The following RIMS2 variants were observed in gnomAD, a reference collection of about 807,000 sequenced individuals.
RIMS2 encodes the protein regulating synaptic membrane exocytosis protein 2.
RIMS2 carries 59 observed loss-of-function variants against 174.4 expected under a neutral mutation model. The ratio of observed to expected loss-of-function variants is 0.34; its 90% CI spans 0.27 to 0.42. The LOEUF (loss-of-function observed/expected upper bound fraction) is 0.42. RIMS2 is among the 10% of genes least tolerant of loss of function. RIMS2 has a pLI of 1.00. For synonymous variants in RIMS2, 606 were observed against 572.5 expected, an observed-to-expected ratio of 1.06 and a Z score of -0.84; for missense variants, 1,620 against 1,666.3, an observed-to-expected ratio of 0.97 and a Z score of 0.48.
At chr8:103,790,801 G>A (rs1218502800) in intron 3 of RIMS2, among the ~76,000 whole-genome samples, 2 of 152,086 alleles carry the variant, frequency 1.3e-5, no homozygotes, top group Non-Finnish European at 2.9e-5. Context: ...ACATATTTCT[G>A]TTATTGTAAT....
At chr8:104,100,892 T>C (rs1270319220) in intron 19 of RIMS2, among the ~76,000 whole-genome samples, 1 of 141,170 alleles carries the variant, frequency 7.1e-6, no homozygotes, top group Non-Finnish European at 1.5e-5. Flanking sequence ...TATCATATTG[T>C]ATATGTTATA....
At chr8:104,251,853 G>T (rs768194605) in exon 24 of RIMS2, 2 of 1,034,052 alleles carry the variant, frequency 1.9e-6, no homozygotes, top group Non-Finnish European at 1.4e-6. Context: ...ACAGCAACCA[G>T]CGTTACAAAA....
intron 19 of RIMS2, among the ~76,000 whole-genome samples, chr8:104,110,570 T>C (rs933887028): frequency 6.6e-5 from 10 of 152,174 alleles, no homozygotes; most frequent in African/African-American, 2.4e-4. Context: ...ATGGGTTCTC[T>C]TGTTAAGTCT....
chr8:103,918,434 A>G lies in RIMS2; in HGVS notation c.2037-7A>G. 1 of 1,515,384 alleles carries G rather than the reference A, an allele frequency of 6.6e-7. No homozygotes were observed. Among genetic ancestry groups the G allele is most frequent in the East Asian group, 2.3e-5 (1 of 44,034 alleles). 93.9% of individuals were successfully genotyped at this position (1,515,384 alleles called of 1,614,324 possible). ...TCTGTCTTTCTTTTTTTTTTTAATC[A>G]TTTCAGAGATATACCGCGAATACCT... On this transcript the variant is annotated splice_polypyrimidine_tract_variant and splice_region_variant and intron_variant, in intron 8 of 23. Coordinates refer to ENST00000504942, the Ensembl canonical transcript of RIMS2.
chr8:104,027,897 T>C (rs969924357), intron 19 of RIMS2, among the ~76,000 whole-genome samples: 3 of 152,146 alleles, frequency 2.0e-5, no homozygotes, highest in African/African-American at 7.2e-5. Flanking sequence ...TTGGAACATA[T>C]AATATTATAC....
intron 1 of RIMS2, among the ~76,000 whole-genome samples, chr8:103,508,511 G>C (rs1824818406): frequency 6.6e-6 from 1 of 151,260 alleles, no homozygotes; most frequent in Non-Finnish European, 1.5e-5. Flanking sequence ...AAGTTTGCTT[G>C]AAGTGGTTCA....
chr8:104,121,737 G>A (rs2098378087), intron 19 of RIMS2, among the ~76,000 whole-genome samples: 1 of 151,974 alleles, frequency 6.6e-6, no homozygotes, highest in Non-Finnish European at 1.5e-5. Flanking sequence ...CGAGATGGGA[G>A]GATCACTTGA....
Position 104,017,886 on chromosome 8 carries a change from G to A in RIMS2, c.3334+3271G>A, listed in dbSNP as rs116948273. On this transcript the variant is annotated intron_variant, in intron 19 of 23. Transcript: ENST00000504942. ...AGCTCGGGAGTTCAAGACCAGCCTC[G>A]GTAACATGGTGAAACCCCATCGCTA... Among the ~76,000 whole-genome samples the A allele has an allele frequency of 8.1e-4, 123 of 152,044 alleles. 1 individual carries two copies. In the East Asian group the frequency reaches 0.022, roughly 27 times the overall value.
At chr8:103,581,844 G>T (rs114697853) in intron 1 of RIMS2, among the ~76,000 whole-genome samples, 4,591 of 152,282 alleles carry the variant, frequency 0.03, 205 homozygotes, top group African/African-American at 0.1. Flanking sequence ...TTGAAAGGCA[G>T]TGTAGGCCAT....
chr8:103,664,923 A>C (rs966497871), intron 1 of RIMS2, among the ~76,000 whole-genome samples: 1 of 152,344 alleles, frequency 6.6e-6, no homozygotes, highest in South Asian at 2.1e-4. Flanking sequence ...TGGCACATAT[A>C]CACCATGGAA....
At chr8:103,594,750 GA>G (rs138654754) in intron 1 of RIMS2, among the ~76,000 whole-genome samples, 192 of 151,824 alleles carry the variant, frequency 1.3e-3, no homozygotes, top group African/African-American at 4.4e-3. Flanking sequence ...TCAAGACAAA[GA>G]AAGAAAATAT....
chr8:103,920,573 C>A, intron 9 of RIMS2: 1 of 444,810 alleles, frequency 2.2e-6, no homozygotes, highest in Non-Finnish European at 4.5e-6. Flanking sequence ...CTAGTCTCTA[C>A]TTTGACATTT....
rs1024345338 is a variant in RIMS2 at position 103,510,501 on chromosome 8, C to T, written c.176+9439C>T. Among the ~76,000 whole-genome samples the T allele has an allele frequency of 2.6e-5, 4 of 152,082 alleles. No homozygotes were observed. In the South Asian group the frequency reaches 8.3e-4, roughly 32 times the overall value. ...ACTAAAGGAGGATTGTTTCCTTGCT[C>T]ATTTGGGTTGTTGAAAGAATTACGT... On this transcript the variant is annotated intron_variant, in intron 1 of 23. Coordinates refer to ENST00000504942, the Ensembl canonical transcript of RIMS2.
intron 1 of RIMS2, among the ~76,000 whole-genome samples, chr8:103,644,208 G>A (rs2096282525): frequency 6.6e-6 from 1 of 152,110 alleles, no homozygotes; most frequent in African/African-American, 2.4e-5. Flanking sequence ...TAATTATAAA[G>A]TGTTTGTGGA....
intron 19 of RIMS2, among the ~76,000 whole-genome samples, chr8:104,202,101 C>T (rs946998958): frequency 9.5e-4 from 144 of 152,012 alleles, no homozygotes; most frequent in African/African-American, 3.0e-3. Flanking sequence ...AAAATTTTTG[C>T]TTTTAGGAAA....
At chr8:104,225,363 C>T (rs777490888) in intron 19 of RIMS2, among the ~76,000 whole-genome samples, 1 of 152,134 alleles carries the variant, frequency 6.6e-6, no homozygotes, top group Non-Finnish European at 1.5e-5. Flanking sequence ...TTATTATTTT[C>T]TTATATTTGG....
rs771884817 is a variant in RIMS2 at position 103,961,701 on chromosome 8, CCTT to C, written c.2770+569_2770+571del. 5.3e-5 allele frequency among the ~76,000 whole-genome samples: 8 copies of C among 151,978 alleles called. 1 individual carries two copies. The highest frequency in any genetic ancestry group is 1.2e-4 in the Non-Finnish European group (8 of 67,946). On this transcript the variant is annotated intron_variant, in intron 15 of 23. Transcript: ENST00000504942. The stretch of plus-strand genomic sequence containing the variant: ...CTGATGACAATGTTTACATGTAATA[CCTT>C]TAATATTGTAAAATAAAGTATTCTA...
At position 103,915,609 on chromosome 8, in the gene RIMS2, T is replaced by A; in HGVS notation, c.1912+15T>A. Reference sequence around the variant, plus strand: ...TCTTAGACCAGGTAGGGTTTTACCTTTGATTATTTACATTTAAACCATTCA... The same window carrying A: ...TCTTAGACCAGGTAGGGTTTTACCTATGATTATTTACATTTAAACCATTCA... On this transcript the variant is annotated intron_variant, in intron 7 of 23. Coordinates refer to ENST00000504942, the Ensembl canonical transcript of RIMS2. 7.4e-7 allele frequency: 1 copy of A among 1,351,908 alleles called. No homozygotes were observed. The highest frequency in any genetic ancestry group is 1.0e-6 in the Non-Finnish European group (1 of 952,666). The allele number at this position is 1,351,908 out of a possible 1,614,324, so 83.7% of individuals were successfully genotyped here.
At chr8:104,057,974 G>T (rs1185639463) in intron 19 of RIMS2, among the ~76,000 whole-genome samples, 1 of 152,078 alleles carries the variant, frequency 6.6e-6, no homozygotes, top group Non-Finnish European at 1.5e-5. Flanking sequence ...ATCGTTGTTG[G>T]ACATTTGGGT....
Sources: gnomAD v4.1 joint callset for allele counts (sites outside exome capture counted in the v4.1 genomes callset) on GRCh38, gnomAD v4.1.1 for gene constraint, MANE v1.5 for transcripts, NCBI Gene and HGNC (gene_info 2026-07-23, HGNC 2026-07-21) for gene names.